The following ADGRG7 variants were observed in gnomAD, a reference collection of about 807,000 sequenced individuals.
The protein encoded by ADGRG7 is adhesion G protein-coupled receptor G7.
ADGRG7 carries 82 observed loss-of-function variants against 88.6 expected under a neutral mutation model. The observed-to-expected ratio is 0.93, with a 90% confidence interval of 0.77 to 1.11. The LOEUF (loss-of-function observed/expected upper bound fraction) is 1.11, where lower values mean the gene tolerates loss of function less well. Ranked by LOEUF, ADGRG7 falls within the 50% of genes most tolerant of loss-of-function variation. ADGRG7 has a pLI of 0.00. For synonymous variants in ADGRG7, 381 were observed against 345.2 expected, an observed-to-expected ratio of 1.10 and a Z score of -1.15; for missense variants, 945 against 953.4, an observed-to-expected ratio of 0.99 and a Z score of 0.12.
At chr3:100,621,013 G>C (rs1053495008) in intron 1 of ADGRG7, among the ~76,000 whole-genome samples, 12 of 151,998 alleles carry the variant, frequency 7.9e-5, no homozygotes, top group Admixed American at 7.9e-4. Context: ...CTGTGATCAT[G>C]ATCTTTGATG....
chr3:100,669,194 A>T (rs746739155), intron 15 of ADGRG7, 89 bp downstream of exon 15: 140 of 1,151,682 alleles, frequency 1.2e-4, no homozygotes, highest in Non-Finnish European at 1.5e-4. Flanking sequence ...AGACTATTTT[A>T]AAAAAATCTA....
chr3:100,643,855 G>A lies in ADGRG7; in HGVS notation c.946+222G>A, dbSNP rs150947145. ...TTCTTTTTTCAAAAGCCTTTTGGAA[G>A]GTAGCAGAATTGAAATGTTCAGGCC... On this transcript the variant is annotated intron_variant, in intron 8 of 15. Transcript: ENST00000273352. Among the ~76,000 whole-genome samples, 651 of 152,292 alleles carry A rather than the reference G, an allele frequency of 4.3e-3. 5 individuals carry two copies. Among genetic ancestry groups the A allele is most frequent in the Non-Finnish European group, 7.2e-3 (490 of 68,024 alleles).
intron 6 of ADGRG7, among the ~76,000 whole-genome samples, chr3:100,642,227 T>C (rs1707652646): frequency 6.6e-6 from 1 of 152,228 alleles, no homozygotes; most frequent in South Asian, 2.1e-4. Context: ...AGATACTGTT[T>C]GGTAGAATGA....
chr3:100,648,694 G>A (rs1707799010), intron 10 of ADGRG7, among the ~76,000 whole-genome samples: 1 of 152,078 alleles, frequency 6.6e-6, no homozygotes, highest in Admixed American at 6.6e-5. Flanking sequence ...ATGGTGTGGG[G>A]TAGCAGGCAG....
At chr3:100,686,798 G>T (rs546612840) in intron 15 of ADGRG7, among the ~76,000 whole-genome samples, 2 of 152,346 alleles carry the variant, frequency 1.3e-5, no homozygotes, top group South Asian at 4.1e-4. Context: ...ATAGTTTGAA[G>T]TCAGGTAGCA....
intron 1 of ADGRG7, among the ~76,000 whole-genome samples, chr3:100,625,975 G>C (rs1394144387): frequency 3.3e-5 from 5 of 152,154 alleles, no homozygotes; most frequent in African/African-American, 1.2e-4. Context: ...TTTCTTTTGT[G>C]TGTTTGTGTC....
intron 4 of ADGRG7, 190 bp from the exon 5 acceptor site, chr3:100,635,487 G>T (rs1033998174): frequency 1.4e-4 from 185 of 1,305,574 alleles, no homozygotes; most frequent in Middle Eastern, 5.8e-4. Context: ...AGGAAAGGCT[G>T]GCAAAACCAC....
At chr3:100,633,996 G>A (rs946226424) in intron 4 of ADGRG7, among the ~76,000 whole-genome samples, 3 of 152,138 alleles carry the variant, frequency 2.0e-5, no homozygotes, top group Admixed American at 1.3e-4. Flanking sequence ...GCCTCTTGAT[G>A]GTGTAACTGG....
At chr3:100,618,477 A>G (rs1435404756) in intron 1 of ADGRG7, among the ~76,000 whole-genome samples, 1 of 151,992 alleles carries the variant, frequency 6.6e-6, no homozygotes, top group Non-Finnish European at 1.5e-5. Flanking sequence ...ATAGGGAATC[A>G]TTTTCCCATT....
chr3:100,633,004 T>A (rs1394798334), intron 3 of ADGRG7, among the ~76,000 whole-genome samples: 1 of 152,162 alleles, frequency 6.6e-6, no homozygotes, highest in Admixed American at 6.5e-5. Flanking sequence ...CATTCTCTCA[T>A]CATATCCACT....
chr3:100,629,243 T>C (rs986057668), intron 1 of ADGRG7, among the ~76,000 whole-genome samples: 2 of 151,960 alleles, frequency 1.3e-5, no homozygotes, highest in Non-Finnish European at 2.9e-5. Flanking sequence ...GTGTTTTTAC[T>C]GTACTTATAA....
At chr3:100,665,095 T>G in intron 14 of ADGRG7, 1 of 510,310 alleles carries the variant, frequency 2.0e-6, no homozygotes. Flanking sequence ...CTTCAGTCAG[T>G]TCTTCCGTAT....
chr3:100,622,679 T>G (rs1214124126), intron 1 of ADGRG7, among the ~76,000 whole-genome samples: 1 of 152,172 alleles, frequency 6.6e-6, no homozygotes, highest in Non-Finnish European at 1.5e-5. Flanking sequence ...CAACTCTAAT[T>G]TACACTTTTG....
At chr3:100,619,085 T>C (rs1467807544) in intron 1 of ADGRG7, among the ~76,000 whole-genome samples, 1 of 152,150 alleles carries the variant, frequency 6.6e-6, no homozygotes, top group African/African-American at 2.4e-5. Context: ...GAGACTTTGG[T>C]GAAGTTGCCT....
chr3:100,665,366 C>T (rs1253242839), intron 14 of ADGRG7: 4 of 540,552 alleles, frequency 7.4e-6, no homozygotes, highest in Non-Finnish European at 1.5e-5. Flanking sequence ...GGCGTTTATC[C>T]TTCAATCTTC....
chr3:100,664,080 A>G (rs149091956), intron 14 of ADGRG7, among the ~76,000 whole-genome samples: 1 of 152,094 alleles, frequency 6.6e-6, no homozygotes, highest in South Asian at 2.1e-4. Context: ...TCAAGCAGAT[A>G]GTCGGAATTT....
intron 1 of ADGRG7, among the ~76,000 whole-genome samples, chr3:100,610,646 C>T (rs114362473): frequency 1.2e-3 from 178 of 152,246 alleles, no homozygotes; most frequent in East Asian, 2.7e-3. Flanking sequence ...AAGAAAAGCC[C>T]GCTGGAACTC....
chr3:100,670,471 C>T (rs566752915), intron 15 of ADGRG7, among the ~76,000 whole-genome samples: 10 of 152,128 alleles, frequency 6.6e-5, no homozygotes, highest in African/African-American at 2.4e-4. Context: ...GTGAAAAACA[C>T]GGGAGTGCAG....
At position 100,612,065 on chromosome 3, in the gene ADGRG7, A is replaced by G. The variant is rs1313561635; in HGVS notation, c.115+2094A>G. On this transcript the variant is annotated intron_variant, in intron 1 of 15. Coordinates refer to ENST00000273352, the MANE Select transcript of ADGRG7 (RefSeq NM_032787.3). ...AGGGAAAATATATATAAACACACAA[A>G]ATTTTGCATAAATTAATTTTATTGC... 2.0e-5 allele frequency among the ~76,000 whole-genome samples: 3 copies of G among 152,092 alleles called. No homozygotes were observed. The East Asian group carries it at 5.8e-4, about 29-fold the overall frequency.
Sources: gnomAD v4.1 joint callset for allele counts (sites outside exome capture counted in the v4.1 genomes callset) on GRCh38, gnomAD v4.1.1 for gene constraint, MANE v1.5 for transcripts, NCBI Gene and HGNC (gene_info 2026-07-23, HGNC 2026-07-21) for gene names.